Variants in PTPRD observed in about 807,000 individuals in gnomAD.
The protein encoded by PTPRD is protein tyrosine phosphatase receptor type D.
In PTPRD, 34 loss-of-function variants were observed where a neutral mutation model predicts 214.5. The observed-to-expected ratio is 0.16, with a 90% CI of 0.12 to 0.21. The LOEUF is 0.21. Among genes scored for constraint, PTPRD ranks in the 10% least tolerant of loss-of-function variants. The pLI is 1.00. For synonymous variants in PTPRD, 1,128 were observed against 845.7 expected (o/e 1.33, Z -5.79); for missense variants, 2,545 against 2,398.7 (o/e 1.06, Z -1.27).
intron 3 of PTPRD, among the ~76,000 whole-genome samples, chr9:10,326,688 T>C (rs2154431582): frequency 6.6e-6 from 1 of 151,766 alleles, no homozygotes; most frequent in South Asian, 2.1e-4. Flanking sequence ...AAGAAAAGCA[T>C]CTATAAAACC....
At chr9:10,490,842 C>G (rs1165898144) in intron 2 of PTPRD, among the ~76,000 whole-genome samples, 1 of 152,038 alleles carries the variant, frequency 6.6e-6, no homozygotes, top group African/African-American at 2.4e-5. Flanking sequence ...GCATATTTTG[C>G]TTTTTGCTTT....
intron 2 of PTPRD, among the ~76,000 whole-genome samples, chr9:10,360,320 T>C (rs553921284): frequency 6.6e-5 from 10 of 152,374 alleles, no homozygotes; most frequent in African/African-American, 2.2e-4. Context: ...GTATTTTAAG[T>C]ACATCACAAA....
At chr9:8,542,165 G>C (rs1233247627) in intron 14 of PTPRD, among the ~76,000 whole-genome samples, 1 of 152,204 alleles carries the variant, frequency 6.6e-6, no homozygotes, top group Non-Finnish European at 1.5e-5. Flanking sequence ...GCAAATGAAA[G>C]GAAAGAAGGG....
At chr9:8,460,222 A>G (rs1273258801) in intron 33 of PTPRD, 189 bp downstream of exon 33, 15 of 733,322 alleles carry the variant, frequency 2.0e-5, no homozygotes, top group Middle Eastern at 3.4e-4. Flanking sequence ...CCAAAACTGA[A>G]TAAGATTCCA....
At chr9:8,860,582 T>A (rs1282753486) in intron 11 of PTPRD, 2 of 152,202 alleles carry the variant, frequency 1.3e-5, no homozygotes, top group African/African-American at 4.8e-5. Context: ...AAAGTTTCTC[T>A]GCACATCTGA....
chr9:9,183,619 G>A (rs927642448), intron 9 of PTPRD, among the ~76,000 whole-genome samples: 1 of 151,954 alleles, frequency 6.6e-6, no homozygotes, highest in Admixed American at 6.6e-5. Flanking sequence ...TCTTTAAAAT[G>A]TTGAATTGAA....
At chr9:9,131,532 T>G (rs2099842586) in intron 10 of PTPRD, among the ~76,000 whole-genome samples, 1 of 152,214 alleles carries the variant, frequency 6.6e-6, no homozygotes, top group Admixed American at 6.5e-5. Flanking sequence ...ATATTCTATT[T>G]GCCATAATAT....
intron 5 of PTPRD, among the ~76,000 whole-genome samples, chr9:9,881,522 C>T (rs142263937): frequency 6.9e-4 from 105 of 152,188 alleles, no homozygotes; most frequent in African/African-American, 2.4e-3. Flanking sequence ...AAATATCATC[C>T]TACAAGGCTG....
chr9:9,803,902 G>C lies in PTPRD; in HGVS notation c.-367-37051C>G, dbSNP rs76081841. On this transcript the variant is annotated intron_variant, in intron 5 of 45. Coordinates refer to ENST00000381196, the MANE Select transcript of PTPRD (RefSeq NM_002839.4). ...TTACAATACACAAGAGCATACAAGA[G>C]ATCTAGATTTTGTTTAGTGTTTCAC... The C allele has an allele frequency of 3.9e-5, 6 of 152,100 alleles. 1 individual carries two copies. The highest frequency in any genetic ancestry group is 1.9e-4 in the East Asian group (1 of 5,178). The allele number at this position is 152,100 out of a possible 1,614,324, so 9.4% of individuals were successfully genotyped here. A position where few individuals can be genotyped will look rare whatever the true frequency, so the allele number is the denominator to read the frequency against.
At chr9:9,557,605 C>G (rs2081862739) in intron 8 of PTPRD, among the ~76,000 whole-genome samples, 1 of 152,166 alleles carries the variant, frequency 6.6e-6, no homozygotes, top group African/African-American at 2.4e-5. Context: ...CTAATACCAT[C>G]CATTCTTTCT....
chr9:9,579,970 TG>T (rs766745466), intron 7 of PTPRD, among the ~76,000 whole-genome samples: 2 of 152,176 alleles, frequency 1.3e-5, no homozygotes, highest in Non-Finnish European at 2.9e-5. Flanking sequence ...CTTCTGTGTC[TG>T]GGTTGTTTCA....
At chr9:8,825,491 G>A (rs992803037) in intron 11 of PTPRD, among the ~76,000 whole-genome samples, 10 of 152,108 alleles carry the variant, frequency 6.6e-5, no homozygotes, top group Admixed American at 2.6e-4. Context: ...TTTTATAGGA[G>A]TACACTTAAC....
chr9:9,892,778 T>C (rs2073810076), intron 5 of PTPRD, among the ~76,000 whole-genome samples: 1 of 151,474 alleles, frequency 6.6e-6, no homozygotes, highest in African/African-American at 2.4e-5. Context: ...TTCAGGGAAA[T>C]AGCAATGGAA....
intron 9 of PTPRD, among the ~76,000 whole-genome samples, chr9:9,294,665 C>A (rs932825494): frequency 6.6e-6 from 1 of 151,572 alleles, no homozygotes; most frequent in Admixed American, 6.6e-5. Flanking sequence ...CGTCTATCAG[C>A]CAAGAGACAT....
intron 5 of PTPRD, among the ~76,000 whole-genome samples, chr9:9,794,176 T>A (rs978645373): frequency 2.0e-5 from 3 of 148,946 alleles, no homozygotes; most frequent in East Asian, 3.9e-4. Context: ...TATATATACA[T>A]GTATATATAC....
intron 8 of PTPRD, among the ~76,000 whole-genome samples, chr9:9,544,162 T>A (rs1179673005): frequency 6.6e-6 from 1 of 151,638 alleles, no homozygotes; most frequent in Admixed American, 6.6e-5. Context: ...ACCAAACTAT[T>A]TTCTATAAAA....
intron 7 of PTPRD, among the ~76,000 whole-genome samples, chr9:9,614,294 C>T (rs952120063): frequency 6.6e-6 from 1 of 152,082 alleles, no homozygotes; most frequent in Non-Finnish European, 1.5e-5. Flanking sequence ...TAAAGCAATT[C>T]TCAGCAGTTC....
intron 2 of PTPRD, among the ~76,000 whole-genome samples, chr9:10,504,236 T>A (rs1050892992): frequency 4.0e-5 from 6 of 148,594 alleles, no homozygotes; most frequent in Non-Finnish European, 8.9e-5. Flanking sequence ...TGCATCGAAC[T>A]CTCTCCTATC....
chr9:8,635,047 T>TAATATATATTTAATAATATATATTA lies in PTPRD; in HGVS notation c.211-1614_211-1590dup, dbSNP rs912109171. Among the ~76,000 whole-genome samples, 11 of 148,042 alleles carry TAATATATATTTAATAATATATATTA rather than the reference T, an allele frequency of 7.4e-5. No homozygotes were observed. In the Admixed American group the frequency reaches 7.5e-4, roughly 10 times the overall value. ...TAGTAATACCATATATATTGTTTAATAATATATATTTAATAATATATATTA... is the reference window on the plus strand; with the variant it reads ...TAGTAATACCATATATATTGTTTAATAATATATATTTAATAATATATATTAAATATATATTTAATAATATATATTA... On this transcript the variant is annotated intron_variant, in intron 13 of 45. Coordinates refer to ENST00000381196, the MANE Select transcript of PTPRD (RefSeq NM_002839.4).
Sources: allele counts gnomAD v4.1 joint callset (sites outside exome capture counted in the v4.1 genomes callset), GRCh38; gene constraint gnomAD v4.1.1; transcripts MANE v1.5; gene names NCBI Gene and HGNC (gene_info 2026-07-23, HGNC 2026-07-21).